The following MANBA variants were observed in gnomAD, a reference collection of about 807,000 sequenced individuals.
MANBA encodes the protein mannosidase beta.
A neutral mutation model predicts 111.1 loss-of-function variants in MANBA; 83 were observed. The observed-to-expected ratio is 0.75, with a 90% CI of 0.63 to 0.90. MANBA has a LOEUF of 0.90. MANBA is among the 40% of genes least tolerant of loss of function. MANBA has a pLI of 0.00. For missense variants in MANBA, 1,036 were observed against 1,069.0 expected (o/e 0.97, Z 0.43); for synonymous variants, 370 against 378.7 (o/e 0.98, Z 0.27).
chr4:102,717,577 A>G (rs1457197251), intron 4 of MANBA, among the ~76,000 whole-genome samples: 2 of 151,690 alleles, frequency 1.3e-5, no homozygotes, highest in Non-Finnish European at 2.9e-5. Flanking sequence ...ATTTTTTTTT[A>G]GACTTGGGGT....
intron 13 of MANBA, among the ~76,000 whole-genome samples, chr4:102,649,387 C>T (rs983095013): frequency 1.3e-5 from 2 of 152,166 alleles, no homozygotes; most frequent in African/African-American, 4.8e-5. Context: ...TCTAAAATTT[C>T]CAGCTGTCTC....
At chr4:102,675,905 AG>A (rs58040963) in intron 7 of MANBA, among the ~76,000 whole-genome samples, 7,994 of 152,056 alleles carry the variant, frequency 0.053, 647 homozygotes, top group African/African-American at 0.18. Flanking sequence ...CGGGAGGCAG[AG>A]TTTGCAGCGA....
At chr4:102,670,291 A>C (rs1731436800) in intron 9 of MANBA, among the ~76,000 whole-genome samples, 1 of 152,168 alleles carries the variant, frequency 6.6e-6, no homozygotes, top group Admixed American at 6.5e-5. Flanking sequence ...CTTATCTGTA[A>C]ATGGGGATAG....
chr4:102,650,866 G>T, intron 12 of MANBA, 165 bp from the exon 13 acceptor site: 1 of 629,860 alleles, frequency 1.6e-6, no homozygotes, highest in Non-Finnish European at 2.8e-6. Flanking sequence ...CTTGTTGCCA[G>T]TGAAGGACTA....
rs912601988 is a variant in MANBA, at chr4:102,631,999, T to C, written c.*58A>G. 1.4e-6 allele frequency: 2 copies of C among 1,407,802 alleles called. No individual in the cohort carries two copies. Among genetic ancestry groups the C allele is most frequent in the African/African-American group, 2.8e-5 (2 of 70,644 alleles). 87.2% of individuals were successfully genotyped at this position (1,407,802 alleles called of 1,614,324 possible). ...TTGTCTCTGTTGCCTTCCTCTCCAG[T>C]CGGTGCTTTAGAAATGCTTTATTCC... On this transcript the variant is annotated 3_prime_UTR_variant, in exon 17 of 17. Transcript: ENST00000647097.
intron 1 of MANBA, among the ~76,000 whole-genome samples, chr4:102,757,095 C>T (rs757071573): frequency 1.3e-5 from 2 of 151,888 alleles, no homozygotes; most frequent in African/African-American, 4.8e-5. Context: ...TTTGGAAGGC[C>T]GAGGCAGGTG....
At chr4:102,643,071 A>T (rs1034640887) in intron 13 of MANBA, among the ~76,000 whole-genome samples, 5 of 152,112 alleles carry the variant, frequency 3.3e-5, no homozygotes, top group African/African-American at 1.2e-4. Flanking sequence ...GAATATTTTC[A>T]TCACCCCAAA....
intron 1 of MANBA, among the ~76,000 whole-genome samples, chr4:102,750,406 T>A (rs1196700498): frequency 2.0e-5 from 3 of 152,196 alleles, no homozygotes; most frequent in Non-Finnish European, 4.4e-5. Flanking sequence ...AAGGTTAGTA[T>A]AACAACCAGA....
chr4:102,646,221 A>G (rs1033291630), intron 13 of MANBA, among the ~76,000 whole-genome samples: 1 of 152,120 alleles, frequency 6.6e-6, no homozygotes, highest in Non-Finnish European at 1.5e-5. Flanking sequence ...TGATGCCTAT[A>G]CAAACTCCTA....
chr4:102,737,161 G>A (rs1248390915), intron 1 of MANBA, among the ~76,000 whole-genome samples: 2 of 152,184 alleles, frequency 1.3e-5, no homozygotes, highest in African/African-American at 4.8e-5. Flanking sequence ...ACAGGGTGAA[G>A]GAAGCTCCCG....
rs548893866 is a variant in MANBA, at chr4:102,729,909, C to T, written c.178-3226G>A. ...CTTGATCTGCTGCTTCTCCTGGGTGCGCACAGCCTGGATGTTGGGGTCCAC... is the reference window on the plus strand; with the variant it reads ...CTTGATCTGCTGCTTCTCCTGGGTGTGCACAGCCTGGATGTTGGGGTCCAC... On this transcript the variant is annotated intron_variant, in intron 1 of 16. Coordinates refer to ENST00000647097, the MANE Select transcript of MANBA (RefSeq NM_005908.4). 1.1e-4 allele frequency: 171 copies of T among 1,517,784 alleles called. 1 individual carries two copies. The highest frequency in any genetic ancestry group is 2.7e-4 in the Admixed American group (16 of 59,866). 94.0% of individuals were successfully genotyped at this position (1,517,784 alleles called of 1,614,324 possible).
At chr4:102,724,409 A>C (rs1187634813) in intron 2 of MANBA, among the ~76,000 whole-genome samples, 1 of 152,110 alleles carries the variant, frequency 6.6e-6, no homozygotes, top group Non-Finnish European at 1.5e-5. Flanking sequence ...ATTACAAAAA[A>C]CTAGCCAGGC....
intron 6 of MANBA, among the ~76,000 whole-genome samples, chr4:102,690,138 AAAAAG>A (rs754464156): frequency 9.2e-5 from 14 of 152,206 alleles, no homozygotes; most frequent in Admixed American, 6.5e-5. Flanking sequence ...TAGAAAAAAG[AAAAAG>A]AAAAGATAAA....
At chr4:102,665,956 T>G (rs1689838235) in intron 10 of MANBA, 3 of 152,216 alleles carry the variant, frequency 2.0e-5, no homozygotes, top group African/African-American at 7.2e-5. Flanking sequence ...ATTTCATTTT[T>G]AAAAAAATTA....
rs115255687 is a variant in MANBA, at chr4:102,706,060, G to A, written c.673+8378C>T. 3.2e-3 allele frequency among the ~76,000 whole-genome samples: 483 copies of A among 152,218 alleles called. 2 individuals are homozygous for A. Among genetic ancestry groups the A allele is most frequent in the African/African-American group, 0.011 (451 of 41,516 alleles). On this transcript the variant is annotated intron_variant, in intron 5 of 16. Coordinates refer to ENST00000647097, the MANE Select transcript of MANBA (RefSeq NM_005908.4). ...TTTCCCATGCCATACCTGCTGTCCA[G>A]GGGCCTGAAGACCCAGCCATCCAGA... is the stretch of plus-strand genomic sequence containing the variant.
chr4:102,709,283 AAAGG>A (rs141516317), intron 5 of MANBA, among the ~76,000 whole-genome samples: 66,565 of 127,344 alleles, frequency 0.52, 19,612 homozygotes, highest in East Asian at 0.76. Context: ...GAAAAGAAAG[AAAGG>A]AAGGAAGGAA....
chr4:102,677,594 A>C (rs1245679972), intron 7 of MANBA, among the ~76,000 whole-genome samples: 1 of 152,210 alleles, frequency 6.6e-6, no homozygotes, highest in Non-Finnish European at 1.5e-5. Flanking sequence ...ATCATTTGTT[A>C]AAAGAAAACT....
intron 7 of MANBA, among the ~76,000 whole-genome samples, chr4:102,688,557 C>G (rs771776830): frequency 1.3e-5 from 2 of 152,130 alleles, no homozygotes; most frequent in African/African-American, 2.4e-5. Context: ...GTGACACCAG[C>G]CAACTGTAAA....
chr4:102,745,369 G>T (rs541087350), intron 1 of MANBA, among the ~76,000 whole-genome samples: 3 of 152,282 alleles, frequency 2.0e-5, no homozygotes, highest in South Asian at 4.1e-4. Context: ...GTGGTGGAGT[G>T]ACTGTTGTTC....
Sources: gnomAD v4.1 joint callset for allele counts (sites outside exome capture counted in the v4.1 genomes callset) on GRCh38, gnomAD v4.1.1 for gene constraint, MANE v1.5 for transcripts, NCBI Gene and HGNC (gene_info 2026-07-23, HGNC 2026-07-21) for gene names.